The following FBXO3 variants were observed in gnomAD, a reference collection of about 807,000 sequenced individuals.
The protein encoded by FBXO3 is F-box only protein 3.
A neutral mutation model predicts 64.8 loss-of-function variants in FBXO3; 17 were observed. The observed-to-expected ratio is 0.26, with a 90% CI of 0.18 to 0.39. The LOEUF (loss-of-function observed/expected upper bound fraction) is 0.39. FBXO3 is among the 10% of genes least tolerant of loss of function. The pLI, the probability that FBXO3 is intolerant of heterozygous loss-of-function variation, is 1.00. For synonymous variants in FBXO3, 182 were observed against 201.6 expected (o/e 0.90, Z 0.82); for missense variants, 420 against 589.9 (o/e 0.71, Z 2.98).
rs1323911763 is a variant in FBXO3 at position 33,746,309 on chromosome 11, A to C, written c.1239+821T>G. On this transcript the variant is annotated intron_variant, in intron 10 of 10. Transcript: ENST00000265651. ...ATTCCTCCACTGGGAAGAAATCTAA[A>C]TCTTCACTTCCAAACGCACACTGTA... 2.6e-5 allele frequency: 6 copies of C among 230,946 alleles called. No homozygotes were observed. In the East Asian group the frequency reaches 4.9e-4, roughly 19 times the overall value. 14.3% of individuals were successfully genotyped at this position (230,946 alleles called of 1,614,324 possible).
At chr11:33,758,649 C>G (rs1040354464) in intron 3 of FBXO3, 48 bp from the exon 4 acceptor site, 1 of 1,359,614 alleles carries the variant, frequency 7.4e-7, no homozygotes, top group African/African-American at 1.4e-5. Flanking sequence ...AGCCTTAAAT[C>G]TAAGAAGAAA....
intron 1 of FBXO3, 67 bp downstream of exon 1, chr11:33,774,327 C>G: frequency 1.5e-6 from 2 of 1,372,642 alleles, no homozygotes; most frequent in Non-Finnish European, 2.0e-6. Flanking sequence ...CCCCGACCCC[C>G]TTTCCCCCTG....
chr11:33,747,099 TAA>T (rs989036043), intron 10 of FBXO3, 29 bp downstream of exon 10: 2 of 1,607,578 alleles, frequency 1.2e-6, no homozygotes, highest in Non-Finnish European at 1.7e-6. Flanking sequence ...CAAAGTCATG[TAA>T]ATCAGCACTA....
chr11:33,763,642 A>C (rs1160634714), intron 3 of FBXO3, among the ~76,000 whole-genome samples: 2 of 151,584 alleles, frequency 1.3e-5, no homozygotes, highest in Non-Finnish European at 2.9e-5. Flanking sequence ...AAAAAAAAAA[A>C]AAAAACCCTA....
chr11:33,748,112 A>G (rs1854864101), intron 9 of FBXO3, among the ~76,000 whole-genome samples: 1 of 152,152 alleles, frequency 6.6e-6, no homozygotes, highest in Admixed American at 6.5e-5. Context: ...TCCTTATACC[A>G]CTGGACCAAA....
chr11:33,770,413 A>G (rs984281261), intron 2 of FBXO3, among the ~76,000 whole-genome samples: 1 of 152,228 alleles, frequency 6.6e-6, no homozygotes, highest in African/African-American at 2.4e-5. Flanking sequence ...TAAGTGTGGG[A>G]CAGCCAATAG....
chr11:33,752,286 T>G (rs1297891219), intron 6 of FBXO3, among the ~76,000 whole-genome samples: 2 of 152,232 alleles, frequency 1.3e-5, no homozygotes, highest in African/African-American at 4.8e-5. Flanking sequence ...AGTATTTACA[T>G]GAATTAATAA....
chr11:33,772,006 A>G lies in FBXO3; in HGVS notation c.105-1176T>C, dbSNP rs578192398. 4 of 152,216 alleles carry G rather than the reference A, an allele frequency of 2.6e-5. No homozygotes were observed. In the South Asian group the frequency reaches 8.3e-4, roughly 32 times the overall value. The allele number at this position is 152,216 out of a possible 1,614,324, so 9.4% of individuals were successfully genotyped here. ...GTACCTCAGGCATCTGTATGTTTAAAAAGTGCCACAGGCCATTCTGATGCA... is the reference window on the plus strand; with the variant it reads ...GTACCTCAGGCATCTGTATGTTTAAGAAGTGCCACAGGCCATTCTGATGCA... On this transcript the variant is annotated intron_variant, in intron 1 of 10. Coordinates refer to ENST00000265651, the MANE Select transcript of FBXO3 (RefSeq NM_012175.4).
intron 5 of FBXO3, 56 bp downstream of exon 5, chr11:33,755,715 T>C: frequency 7.6e-7 from 1 of 1,318,272 alleles, no homozygotes; most frequent in Non-Finnish European, 1.1e-6. Context: ...ATGCATGCAT[T>C]TATACAACCA....
intron 6 of FBXO3, 148 bp downstream of exon 6, chr11:33,754,307 C>A: frequency 1.7e-6 from 1 of 596,728 alleles, no homozygotes; most frequent in Non-Finnish European, 2.9e-6. Flanking sequence ...AACCTAGATG[C>A]AGTACTTTAT....
At chr11:33,764,936 T>C (rs1855331385) in intron 3 of FBXO3, among the ~76,000 whole-genome samples, 1 of 152,162 alleles carries the variant, frequency 6.6e-6, no homozygotes, top group South Asian at 2.1e-4. Flanking sequence ...ATCATGCCAC[T>C]GTACTCCATC....
chr11:33,772,103 G>A (rs1855525501), intron 1 of FBXO3: 1 of 152,120 alleles, frequency 6.6e-6, no homozygotes, highest in South Asian at 2.1e-4. Context: ...AATGGAGAGG[G>A]TATCAGATCA....
rs1855439999 is a variant in FBXO3, at chr11:33,768,885, C to A, written c.324G>T (p.Glu108Asp). 1 of 1,614,070 alleles carries A rather than the reference C, an allele frequency of 6.2e-7. No individual in the cohort carries two copies. The highest frequency in any genetic ancestry group is 8.5e-7 in the Non-Finnish European group (1 of 1,179,958). The part of the protein sequence containing the change: ...KAWDDLKKYL[E>D]PRCPRMVLSL... ...ATAAAACCATCCGAGGACACCTGGG[C>A]TCCAAATATTTCTTGAGATCATCCC... Residue 108 changes from glutamate to aspartate, a missense_variant, in exon 3 of 11, where the codon GAG becomes GAT. Glu to Asp is a conservative substitution (Grantham distance 45). Around this residue, in one of 3 missense-constraint regions of FBXO3, gnomAD observed 337 missense variants for 518.4 expected, o/e 0.65. Transcript: ENST00000265651.
chr11:33,758,601 T>G lies in FBXO3; in HGVS notation c.359A>C (p.Glu120Ala). 6.3e-7 allele frequency: 1 copy of G among 1,584,722 alleles called. No individual in the cohort carries two copies. The highest frequency in any genetic ancestry group is 8.6e-7 in the Non-Finnish European group (1 of 1,161,138). Reference protein sequence around the residue: ...RCPRMVLSLKEGAREEDLDAV... With the variant: ...RCPRMVLSLKAGAREEDLDAV... ...ATCGAGGTCTTCCTCTCGAGCACCC[T>G]CTATAAAGGCACAAAAAAGAGTGAA... Residue 120 changes from glutamate to alanine, a missense_variant and splice_region_variant, in exon 4 of 11, where the codon GAG (glutamate) becomes GCG (alanine). Physicochemically the swap from Glu to Ala is moderately radical, Grantham distance 107. Transcript: ENST00000265651.
intron 3 of FBXO3, among the ~76,000 whole-genome samples, chr11:33,761,913 G>A (rs1855253848): frequency 6.6e-6 from 1 of 152,182 alleles, no homozygotes; most frequent in Non-Finnish European, 1.5e-5. Flanking sequence ...CATTGAATCT[G>A]ACTTCTGGAA....
In FBXO3 at chr11:33,767,001, AG is replaced by A. The variant is rs796432831; in HGVS notation, c.358+1849del. On this transcript the variant is annotated intron_variant, in intron 3 of 10. Transcript: ENST00000265651. ...AAATTCATGCACCAAAAAAAAAAAA[AG>A]AAAAAAAAAAGGAAAAGAAAAACAA... Among the ~76,000 whole-genome samples, 659 of 124,452 alleles carry A rather than the reference AG, an allele frequency of 5.3e-3. 1 individual carries two copies. The highest frequency in any genetic ancestry group is 0.011 in the Admixed American group (142 of 13,426). The allele number at this position is 124,452 out of a possible 152,430, so 81.6% of individuals were successfully genotyped here. A position where few individuals can be genotyped will look rare whatever the true frequency, so the allele number is the denominator to read the frequency against.
chr11:33,742,095 A>G lies in FBXO3; in HGVS notation c.1240-11T>C, dbSNP rs1854701384. The G allele has an allele frequency of 6.5e-7, 1 of 1,540,754 alleles. No homozygotes were observed. Among genetic ancestry groups the G allele is most frequent in the South Asian group, 1.2e-5 (1 of 82,304 alleles). On this transcript the variant is annotated splice_polypyrimidine_tract_variant and intron_variant, in intron 10 of 10. Coordinates refer to ENST00000265651, the MANE Select transcript of FBXO3 (RefSeq NM_012175.4). ...ATCAGGACCCATTTCCTTGAAAGAG[A>G]AAACAATCTTTTGATAAGAAGAGCA...
intron 9 of FBXO3, among the ~76,000 whole-genome samples, chr11:33,748,555 A>T (rs1165977549): frequency 6.6e-6 from 1 of 152,210 alleles, no homozygotes; most frequent in Non-Finnish European, 1.5e-5. Context: ...CCCACAACAT[A>T]CAATGAATAA....
chr11:33,757,337 C>G (rs893621195), intron 4 of FBXO3, among the ~76,000 whole-genome samples: 1 of 151,426 alleles, frequency 6.6e-6, no homozygotes, highest in East Asian at 1.9e-4. Context: ...TACTTTTACC[C>G]AAAAGTTCCA....
Sources: gnomAD v4.1 joint callset for allele counts (sites outside exome capture counted in the v4.1 genomes callset) on GRCh38, gnomAD v4.1.1 for gene constraint, gnomAD v4.1.1 regional missense constraint, MANE v1.5 for transcripts, NCBI Gene and HGNC (gene_info 2026-07-23, HGNC 2026-07-21) for gene names.